KIAA1671: variants seen among roughly 807,000 people sequenced by gnomAD.
KIAA1671 encodes the protein uncharacterized protein KIAA1671.
Under a neutral mutation model 131.2 loss-of-function variants are expected in KIAA1671, and 52 were observed. The ratio of observed to expected loss-of-function variants is 0.40; its 90% confidence interval spans 0.32 to 0.50. The LOEUF is 0.50. Ranked by LOEUF, KIAA1671 falls within the 20% of genes least tolerant of loss-of-function variation. The pLI, the probability that KIAA1671 is intolerant of heterozygous loss-of-function variation, is 0.73. For synonymous variants in KIAA1671, 1,003 were observed against 961.6 expected (o/e 1.04, Z -0.80); for missense variants, 2,360 against 2,364.2 (o/e 1.00, Z 0.04).
chr22:25,076,431 G>A (rs887301977), intron 6 of KIAA1671, among the ~76,000 whole-genome samples: 1 of 152,186 alleles, frequency 6.6e-6, no homozygotes, highest in African/African-American at 2.4e-5. Flanking sequence ...TTGTCACTTG[G>A]TGGTGGGATG....
chr22:25,160,675 C>G (rs987072361), intron 6 of KIAA1671, among the ~76,000 whole-genome samples: 1 of 152,188 alleles, frequency 6.6e-6, no homozygotes, highest in African/African-American at 2.4e-5. Flanking sequence ...GACCATCCCC[C>G]TGCCTCAGCC....
At chr22:25,143,615 T>C (rs1358835706) in intron 6 of KIAA1671, among the ~76,000 whole-genome samples, 15 of 152,140 alleles carry the variant, frequency 9.9e-5, no homozygotes, top group Admixed American at 9.2e-4. Context: ...ACAGATGTGG[T>C]TCCTGAGCCC....
intron 6 of KIAA1671, among the ~76,000 whole-genome samples, chr22:25,090,299 G>A (rs1929963344): frequency 6.6e-6 from 1 of 152,172 alleles, no homozygotes; most frequent in Admixed American, 6.5e-5. Flanking sequence ...GCACGTGGCC[G>A]GTGTGGTGAG....
At chr22:25,175,333 A>G (rs1172679023) in intron 8 of KIAA1671, 5 of 152,168 alleles carry the variant, frequency 3.3e-5, no homozygotes, top group Admixed American at 1.3e-4. Flanking sequence ...TCCCACCTAC[A>G]CACTTGGGCA....
chr22:25,180,367 C>T (rs930359623), intron 9 of KIAA1671, among the ~76,000 whole-genome samples: 8 of 152,116 alleles, frequency 5.3e-5, no homozygotes, highest in African/African-American at 1.4e-4. Flanking sequence ...GGTGAAACCC[C>T]GTCTCTACTA....
Position 25,093,824 on chromosome 22 carries a change from T to TTCTCTCTCTCTCTCTCTCTCTGTCTCTC in KIAA1671, c.4530+44469_4530+44470insCTCTCTCTCTCTGTCTCTCTCTCTCTCT, listed in dbSNP as rs1568951523. Among the ~76,000 whole-genome samples the TTCTCTCTCTCTCTCTCTCTCTGTCTCTC allele has an allele frequency of 6.8e-4, 15 of 21,946 alleles. 4 individuals carry two copies. The highest frequency in any genetic ancestry group is 9.1e-4 in the Non-Finnish European group (11 of 12,044). The allele number at this position is 21,946 out of a possible 152,430, so 14.4% of individuals were successfully genotyped here. On this transcript the variant is annotated intron_variant, in intron 6 of 12. Transcript: ENST00000358431. ...TCTCTCTCTCTCTGTCTCTCTCTCT[T>TTCTCTCTCTCTCTCTCTCTCTGTCTCTC]TCTCTCTCTGTCTGTCTCTCTCTCT...
At chr22:25,019,051 TG>T (rs1925508501) in intron 1 of KIAA1671, among the ~76,000 whole-genome samples, 31 of 1,726 alleles carry the variant, frequency 0.018, no homozygotes, top group Non-Finnish European at 0.029. Flanking sequence ...ATAGTTGTTT[TG>T]TGTGTGTGTG....
intron 5 of KIAA1671, among the ~76,000 whole-genome samples, chr22:25,046,089 G>A (rs909739387): frequency 1.3e-5 from 2 of 151,980 alleles, no homozygotes; most frequent in African/African-American, 4.8e-5. Context: ...ATCACTTGAG[G>A]TCAGGAGTTT....
chr22:24,968,386 G>A (rs1000083101), intron 1 of KIAA1671, among the ~76,000 whole-genome samples: 4 of 152,086 alleles, frequency 2.6e-5, no homozygotes, highest in African/African-American at 4.8e-5. Flanking sequence ...GAGTCACCCC[G>A]GGAAGGTGGC....
At chr22:25,031,057 A>T (rs1351168806) in intron 3 of KIAA1671, among the ~76,000 whole-genome samples, 2 of 151,744 alleles carry the variant, frequency 1.3e-5, no homozygotes, top group African/African-American at 4.8e-5. Flanking sequence ...TTATTTATTT[A>T]TTTTTGTGAC....
chr22:24,989,724 T>G (rs1923739433), intron 1 of KIAA1671, among the ~76,000 whole-genome samples: 2 of 152,164 alleles, frequency 1.3e-5, no homozygotes, highest in Middle Eastern at 6.8e-3. Flanking sequence ...TAGCAAGAGC[T>G]CAAGAGCCCC....
intron 1 of KIAA1671, among the ~76,000 whole-genome samples, chr22:25,002,135 C>T (rs1244082866): frequency 6.6e-6 from 1 of 152,096 alleles, no homozygotes; most frequent in African/African-American, 2.4e-5. Flanking sequence ...GCAGGCTTGC[C>T]TTATTTTTGG....
chr22:25,173,058 C>T (rs1033273323), intron 7 of KIAA1671, among the ~76,000 whole-genome samples: 4 of 152,206 alleles, frequency 2.6e-5, no homozygotes, highest in Non-Finnish European at 5.9e-5. Flanking sequence ...CCTCAGGAAA[C>T]TTACAATCAT....
At chr22:25,084,390 G>A (rs965182239) in intron 6 of KIAA1671, among the ~76,000 whole-genome samples, 10 of 148,194 alleles carry the variant, frequency 6.7e-5, no homozygotes, top group East Asian at 2.0e-4. Context: ...CAGGAGAATC[G>A]CTTGAATCGG....
intron 5 of KIAA1671, among the ~76,000 whole-genome samples, chr22:25,042,308 C>T (rs2145809343): frequency 6.6e-6 from 1 of 152,244 alleles, no homozygotes; most frequent in East Asian, 1.9e-4. Flanking sequence ...GTATAATAGC[C>T]TGTTGTATCC....
chr22:25,184,907 C>T (rs973897487), intron 10 of KIAA1671, 70 bp from the exon 11 acceptor site: 13 of 1,532,566 alleles, frequency 8.5e-6, no homozygotes, highest in African/African-American at 1.4e-5. Context: ...TTGTACCTGA[C>T]ATTTGCATGG....
chr22:25,080,715 A>G (rs1929357181), intron 6 of KIAA1671, among the ~76,000 whole-genome samples: 1 of 152,128 alleles, frequency 6.6e-6, no homozygotes, highest in African/African-American at 2.4e-5. Context: ...CACCTGGCCA[A>G]TTTCAGACTC....
chr22:25,156,502 T>A (rs1009011035), intron 6 of KIAA1671, among the ~76,000 whole-genome samples: 2 of 152,118 alleles, frequency 1.3e-5, no homozygotes, highest in Non-Finnish European at 2.9e-5. Context: ...GTGTTGTGTT[T>A]ATATGTATTT....
At chr22:25,036,268 CAG>C (rs1926588093) in intron 4 of KIAA1671, among the ~76,000 whole-genome samples, 1 of 151,800 alleles carries the variant, frequency 6.6e-6, no homozygotes, top group African/African-American at 2.4e-5. Flanking sequence ...TTAGTAGAGA[CAG>C]GGTTTCTCCA....
Sources: allele counts gnomAD v4.1 joint callset (sites outside exome capture counted in the v4.1 genomes callset), GRCh38; gene constraint gnomAD v4.1.1; transcripts MANE v1.5; gene names NCBI Gene and HGNC (gene_info 2026-07-23, HGNC 2026-07-21).